The following RTTN variants were observed in gnomAD, a reference collection of about 807,000 sequenced individuals.
The protein encoded by RTTN is rotatin.
A neutral mutation model predicts 269.2 loss-of-function variants in RTTN; 182 were observed. The ratio of observed to expected loss-of-function variants is 0.68; its 90% CI spans 0.60 to 0.76. The LOEUF (loss-of-function observed/expected upper bound fraction) is 0.76, where lower values mean the gene tolerates loss of function less well. Ranked by LOEUF, RTTN falls within the 30% of genes least tolerant of loss-of-function variation. RTTN has a pLI of 0.00. For missense variants in RTTN, 2,545 were observed against 2,608.6 expected (o/e 0.98, Z 0.53); for synonymous variants, 1,006 against 963.5 (o/e 1.04, Z -0.82).
intron 45 of RTTN, chr18:70,019,833 C>A (rs2056650841): frequency 6.6e-6 from 1 of 152,138 alleles, no homozygotes; most frequent in Non-Finnish European, 1.5e-5. Flanking sequence ...AACAAAGTAT[C>A]TTCTGAGGAG....
At chr18:70,040,365 GGACA>G (rs1357112152) in intron 40 of RTTN, among the ~76,000 whole-genome samples, 5 of 152,080 alleles carry the variant, frequency 3.3e-5, no homozygotes, top group South Asian at 2.1e-4. Context: ...AAAACTGTAA[GGACA>G]GACAAAGAAG....
chr18:70,020,576 A>G, intron 45 of RTTN, 39 bp downstream of exon 45: 1 of 1,483,950 alleles, frequency 6.7e-7, no homozygotes, highest in Non-Finnish European at 9.3e-7. Flanking sequence ...TATTTCACTG[A>G]GTACCCTTTT....
At chr18:70,029,139 C>T (rs2056937699) in intron 42 of RTTN, among the ~76,000 whole-genome samples, 1 of 144,488 alleles carries the variant, frequency 6.9e-6, no homozygotes, top group Admixed American at 7.2e-5. Context: ...TGATGAAGGG[C>T]CTTTGGCTAG....
chr18:70,076,413 T>A (rs1244357614), intron 32 of RTTN, among the ~76,000 whole-genome samples: 1 of 151,962 alleles, frequency 6.6e-6, no homozygotes, highest in Non-Finnish European at 1.5e-5. Flanking sequence ...ACCATAAGAT[T>A]TGTATGTGTG....
chr18:70,190,260 C>CA, intron 9 of RTTN, among the ~76,000 whole-genome samples: 1 of 149,532 alleles, frequency 6.7e-6, no homozygotes, highest in Non-Finnish European at 1.5e-5. Context: ...AGAATAAATG[C>CA]AAAAAATAGA....
At chr18:70,049,208 TGTAA>T (rs2057584441) in intron 39 of RTTN, among the ~76,000 whole-genome samples, 1 of 152,192 alleles carries the variant, frequency 6.6e-6, no homozygotes, top group Admixed American at 6.5e-5. Flanking sequence ...ATATGCAATA[TGTAA>T]GTGAGTGTGG....
intron 9 of RTTN, among the ~76,000 whole-genome samples, chr18:70,188,804 A>G (rs1428978429): frequency 2.0e-5 from 3 of 152,238 alleles, no homozygotes; most frequent in African/African-American, 7.2e-5. Flanking sequence ...ACAGAGACAG[A>G]ATAACAAAGA....
rs371493374 is a variant in RTTN, at chr18:70,061,749, G to A, written c.4748-1707C>T. Among the ~76,000 whole-genome samples, 8 of 152,172 alleles carry A rather than the reference G, an allele frequency of 5.3e-5. No homozygotes were observed. The East Asian group carries it at 1.2e-3, about 22-fold the overall frequency. On this transcript the variant is annotated intron_variant, in intron 35 of 48. Coordinates refer to ENST00000640769, the MANE Select transcript of RTTN (RefSeq NM_173630.4). ...CTACTCGGGATGAGGTGGGAGGATCGCTTGAGCCCAGGAGGTGGCAACTGC... is the reference window on the plus strand; with the variant it reads ...CTACTCGGGATGAGGTGGGAGGATCACTTGAGCCCAGGAGGTGGCAACTGC...
At chr18:70,115,961 A>G (rs1445244282) in intron 26 of RTTN, among the ~76,000 whole-genome samples, 2 of 152,002 alleles carry the variant, frequency 1.3e-5, no homozygotes, top group African/African-American at 4.8e-5. Flanking sequence ...ATTTTACAGT[A>G]TTTTAACATC....
chr18:70,094,098 ACT>A (rs139440949), intron 28 of RTTN, among the ~76,000 whole-genome samples: 126,194 of 151,894 alleles, frequency 0.83, 55,528 homozygotes, highest in East Asian at 1. Context: ...TGTTTATAAC[ACT>A]CTCTGACGGT....
chr18:70,093,931 T>C (rs536523960), intron 28 of RTTN, among the ~76,000 whole-genome samples: 2 of 151,414 alleles, frequency 1.3e-5, no homozygotes, highest in Non-Finnish European at 3.0e-5. Flanking sequence ...CTCTGGTCCT[T>C]TTCTTGGTTG....
At chr18:70,075,595 T>G (rs2058408319) in intron 32 of RTTN, 54 bp from the exon 33 acceptor site, 1 of 1,398,694 alleles carries the variant, frequency 7.1e-7, no homozygotes, top group Non-Finnish European at 9.6e-7. Flanking sequence ...AACAATTTCC[T>G]TAAAAAGATC....
intron 14 of RTTN, among the ~76,000 whole-genome samples, chr18:70,163,599 C>A (rs1007140643): frequency 6.6e-6 from 1 of 152,084 alleles, no homozygotes; most frequent in Non-Finnish European, 1.5e-5. Flanking sequence ...TGCCTATCAA[C>A]GGATGAATAA....
chr18:70,130,411 A>T (rs1295483314), intron 23 of RTTN: 3 of 152,036 alleles, frequency 2.0e-5, no homozygotes, highest in African/African-American at 7.2e-5. Context: ...GATTTTTTAA[A>T]ATGTGGTATA....
At chr18:70,087,912 G>C in intron 31 of RTTN, 77 bp downstream of exon 31, 1 of 1,455,892 alleles carries the variant, frequency 6.9e-7, no homozygotes, top group Non-Finnish European at 9.4e-7. Flanking sequence ...CCACCATGTT[G>C]AGCGGCAGTC....
At position 70,038,236 on chromosome 18, in the gene RTTN, G is replaced by A. The variant is rs141469945; in HGVS notation, c.5542-7255C>T. The stretch of plus-strand genomic sequence containing the variant: ...AACCTGGCTGGCTTTGTCACCTACT[G>A]ATTATGAAGTCCTAGGGCCTTGAGT... On this transcript the variant is annotated intron_variant, in intron 40 of 48. Coordinates refer to ENST00000640769, the MANE Select transcript of RTTN (RefSeq NM_173630.4). Among the ~76,000 whole-genome samples, 444 of 152,278 alleles carry A rather than the reference G, an allele frequency of 2.9e-3. 1 individual carries two copies. Among genetic ancestry groups the A allele is most frequent in the Non-Finnish European group, 4.5e-3 (307 of 68,010 alleles).
rs144624452 is a variant in RTTN at position 70,167,803 on chromosome 18, G to A, written c.1690-772C>T. On this transcript the variant is annotated intron_variant, in intron 12 of 48. Coordinates refer to ENST00000640769, the MANE Select transcript of RTTN (RefSeq NM_173630.4). ...AGACAGTGGTACTAACATGGCAAAA[G>A]GAAAGGGGAAAAAAAACAAACTACA... 2.9e-3 allele frequency among the ~76,000 whole-genome samples: 444 copies of A among 151,664 alleles called. 3 individuals are homozygous for A. The highest frequency in any genetic ancestry group is 0.01 in the Middle Eastern group (3 of 294).
chr18:70,055,698 G>T (rs767788631), intron 37 of RTTN, among the ~76,000 whole-genome samples: 8 of 152,158 alleles, frequency 5.3e-5, no homozygotes, highest in Non-Finnish European at 1.0e-4. Flanking sequence ...GCCAGGTGAG[G>T]CAAGAAGAAG....
intron 39 of RTTN, among the ~76,000 whole-genome samples, chr18:70,050,517 AT>A (rs1198094441): frequency 1.3e-5 from 2 of 152,328 alleles, no homozygotes; most frequent in East Asian, 3.9e-4. Context: ...CAGTGTGGCA[AT>A]TCCTCAAGCA....
Sources: allele counts gnomAD v4.1 joint callset (sites outside exome capture counted in the v4.1 genomes callset), GRCh38; gene constraint gnomAD v4.1.1; transcripts MANE v1.5; gene names NCBI Gene and HGNC (gene_info 2026-07-23, HGNC 2026-07-21).